The following ABT1 variants were observed in gnomAD, a reference collection of about 807,000 sequenced individuals.
The protein encoded by ABT1 is activator of basal transcription 1, also known as TATA-binding protein-binding protein.
Under a neutral mutation model 14.0 loss-of-function variants are expected in ABT1, and 13 were observed. The observed-to-expected ratio is 0.93, with a 90% CI of 0.61 to 1.48. The LOEUF (loss-of-function observed/expected upper bound fraction) is 1.48. Among genes scored for constraint, ABT1 ranks in the 40% most tolerant of loss-of-function variants. The pLI is 0.00. For missense variants in ABT1, 430 were observed against 380.0 expected, an observed-to-expected ratio of 1.13 and a Z score of -1.09; for synonymous variants, 165 against 144.6, an observed-to-expected ratio of 1.14 and a Z score of -1.01.
chr6:26,597,682 G>A (rs1764920042), intron 1 of ABT1, among the ~76,000 whole-genome samples: 1 of 152,098 alleles, frequency 6.6e-6, no homozygotes, highest in African/African-American at 2.4e-5. Context: ...CTGAGGACTT[G>A]TGCCGGTTTT....
In ABT1 at chr6:26,597,960, A is replaced by T. The variant is rs3800303; in HGVS notation, c.288A>T (p.Gly96=). Residue 96 remains glycine (G), a synonymous_variant, in exon 2 of 3, where the codon GGA becomes GGT. Transcript: ENST00000274849. ...AGAAGGCAGCAGCAGCTGCCGGAGG[A>T]AAAAAGCGGTCCTACACCAAGGACT... is the stretch of plus-strand genomic sequence containing the variant. ...RKKKAAAAAG[G]KKRSYTKDYT... 2 of 1,613,114 alleles carry T rather than the reference A, an allele frequency of 1.2e-6. No homozygotes were observed. Among genetic ancestry groups the T allele is most frequent in the South Asian group, 1.1e-5 (1 of 91,056 alleles).
At chr6:26,597,853 A>C in intron 1 of ABT1, 61 bp from the exon 2 acceptor site, 1 of 1,493,764 alleles carries the variant, frequency 6.7e-7, no homozygotes, top group Admixed American at 2.2e-5. Context: ...GGGCAGTGGG[A>C]GGTGCTTTTG....
rs782519551 is a variant in ABT1, at chr6:26,598,505, C to A, written c.679C>A (p.Arg227=). 6.2e-7 allele frequency: 1 copy of A among 1,613,978 alleles called. No homozygotes were observed. The highest frequency in any genetic ancestry group is 1.1e-5 in the South Asian group (1 of 91,088). ...GGAACTGAGGGCCCGTAAAGCAGCA[C>A]GGCCAGGGGGACGTGAACGGGCTCG... The part of the protein sequence containing the change: ...EQELRARKAA[R]PGGRERARLA... The change falls in exon 3 of 3, where the codon CGG becomes AGG. Residue 227 remains arginine, a synonymous_variant. Coordinates refer to ENST00000274849, the MANE Select transcript of ABT1 (RefSeq NM_013375.4).
Position 26,598,334 on chromosome 6 carries a change from C to G in ABT1, c.508C>G (p.Arg170Gly). The change falls in exon 3 of 3, where the codon CGC becomes GGC. Residue 170 changes from arginine to glycine, a missense_variant. By Grantham distance (125) the Arg-to-Gly change is moderately radical. Coordinates refer to ENST00000274849, the MANE Select transcript of ABT1 (RefSeq NM_013375.4). ...CTTTGAGCGCCAGGTGCGCAGGCAG[C>G]GCTTGAGAGCGGAGGTTGCTCAAGC... ...LAFERQVRRQ[R>G]LRAEVAQAKR... 1 of 1,614,262 alleles carries G rather than the reference C, an allele frequency of 6.2e-7. No homozygotes were observed. The highest frequency in any genetic ancestry group is 8.5e-7 in the Non-Finnish European group (1 of 1,180,046).
In ABT1 at chr6:26,598,187, C is replaced by G. The variant is rs1216511579; in HGVS notation, c.438+77C>G. On this transcript the variant is annotated intron_variant, in intron 2 of 2. Transcript: ENST00000274849. ...TCTGGCCCAAGTATCCCCATGGCCT[C>G]TCATTGGCCTTGTCCCCTTGTCTCA... The G allele has an allele frequency of 1.0e-5, 16 of 1,573,796 alleles. No homozygotes were observed. In the East Asian group the frequency reaches 3.2e-4, roughly 31 times the overall value.
Position 26,598,642 on chromosome 6 carries a change from C to G in ABT1, c.816C>G (p.Ser272=), listed in dbSNP as rs1764938325. The change falls in exon 3 of 3, where the codon TCC becomes TCG. Residue 272 remains serine (S), a synonymous_variant. Coordinates refer to ENST00000274849, the MANE Select transcript of ABT1 (RefSeq NM_013375.4). Reference sequence around the variant, plus strand: ...AGGGACCTTCCCTTGTCAGGGACTCCTGAGGGCCTGGGTGGCCCCTTCCAT... The same window carrying G: ...AGGGACCTTCCCTTGTCAGGGACTCGTGAGGGCCTGGGTGGCCCCTTCCAT... ...SMEGPSLVRD[S] is the part of the protein sequence containing the mutation. 6.4e-7 allele frequency: 1 copy of G among 1,550,988 alleles called. No individual in the cohort carries two copies. Among genetic ancestry groups the G allele is most frequent in the Non-Finnish European group, 8.7e-7 (1 of 1,145,788 alleles).
chr6:26,598,483 A>G lies in ABT1; in HGVS notation c.657A>G (p.Glu219=). ...WTFAQRPTEQ[E]LRARKAARPG... is the part of the protein sequence containing the mutation. ...TTGCCCAGCGTCCTACTGAGCAGGA[A>G]CTGAGGGCCCGTAAAGCAGCACGGC... Residue 219 remains glutamate (E), a synonymous_variant, in exon 3 of 3, where the codon GAA becomes GAG. Transcript: ENST00000274849. The G allele has an allele frequency of 1.9e-6, 3 of 1,614,106 alleles. No homozygotes were observed. The highest frequency in any genetic ancestry group is 2.5e-6 in the Non-Finnish European group (3 of 1,179,976).
chr6:26,596,966 C>G lies in ABT1; in HGVS notation c.-17C>G, dbSNP rs755965085. 7 of 1,603,870 alleles carry G rather than the reference C, an allele frequency of 4.4e-6. No homozygotes were observed. Among genetic ancestry groups the G allele is most frequent in the Admixed American group, 3.4e-5 (2 of 58,020 alleles). ...GCAAGGCACTTTACGGCCGTCGTGC[C>G]GCTCGTGTCAGTCAACATGGAGGCA... is the stretch of plus-strand genomic sequence containing the variant. On this transcript the variant is annotated 5_prime_UTR_variant, in exon 1 of 3. Transcript: ENST00000274849.
rs544759930 is a variant in ABT1 at position 26,600,090 on chromosome 6, C to T, written c.*1445C>T. 6.6e-6 allele frequency: 1 copy of T among 152,224 alleles called. No individual in the cohort carries two copies. Among genetic ancestry groups the T allele is most frequent in the African/African-American group, 2.4e-5 (1 of 41,458 alleles). 9.4% of individuals were successfully genotyped at this position (152,224 alleles called of 1,614,324 possible). A position where few individuals can be genotyped will look rare whatever the true frequency, so the allele number is the denominator to read the frequency against. On this transcript the variant is annotated 3_prime_UTR_variant, in exon 3 of 3. Transcript: ENST00000274849. ...TCTCACAACCCACATACCTCTTATA[C>T]TTGGCACACAAACTACGTTTCCATT...
At chr6:26,597,776 A>G (rs4634439) in intron 1 of ABT1, 138 bp from the exon 2 acceptor site, 87,134 of 773,622 alleles carry the variant, frequency 0.11, 5,532 homozygotes, top group South Asian at 0.15. Context: ...TGCGATTTAC[A>G]GTTCCCTTCC....
chr6:26,598,181 T>C, intron 2 of ABT1, 71 bp downstream of exon 2: 1 of 1,575,198 alleles, frequency 6.3e-7, no homozygotes, highest in Non-Finnish European at 8.7e-7. Context: ...AGTATCCCCA[T>C]GGCCTCTCAT....
At position 26,598,319 on chromosome 6, in the gene ABT1, C is replaced by T. The variant is rs782582907; in HGVS notation, c.493C>T (p.Gln165Ter). Residue 165 changes from glutamine to a stop codon, truncating the protein, a stop_gained, in exon 3 of 3, where the codon CAG becomes TAG. Coordinates refer to ENST00000274849, the MANE Select transcript of ABT1 (RefSeq NM_013375.4). LOFTEE classifies it low-confidence loss of function (END_TRUNC). ...HLSEHLAFER[Q>*]VRRQRLRAEV... ...CAGCGAGCACCTCGCCTTTGAGCGC[C>T]AGGTGCGCAGGCAGCGCTTGAGAGC... 6.2e-7 allele frequency: 1 copy of T among 1,614,256 alleles called. No homozygotes were observed. Among genetic ancestry groups the T allele is most frequent in the Non-Finnish European group, 8.5e-7 (1 of 1,180,024 alleles).
At chr6:26,597,831 G>A (rs953496079) in intron 1 of ABT1, 83 bp from the exon 2 acceptor site, 2 of 1,408,046 alleles carry the variant, frequency 1.4e-6, no homozygotes, top group Non-Finnish European at 1.9e-6. Context: ...TGGCAGATGT[G>A]AAGAACGTTG....
intron 1 of ABT1, 81 bp downstream of exon 1, chr6:26,597,304 G>A: frequency 1.3e-6 from 2 of 1,555,098 alleles, no homozygotes; most frequent in Non-Finnish European, 1.7e-6. Flanking sequence ...CTGTTGCTTC[G>A]CTGCGCGAGG....
chr6:26,597,045 G>A lies in ABT1; in HGVS notation c.63G>A (p.Gln21=). The change falls in exon 1 of 3, where the codon CAG becomes CAA. Residue 21 remains glutamine, a synonymous_variant. Transcript: ENST00000274849. The part of the protein sequence containing the change: ...TEQEPLEGTE[Q]TLDAEEEQEE... ...AAGAGCCGCTGGAAGGGACAGAACA[G>A]ACACTAGATGCGGAGGAGGAGCAGG... 1 of 1,613,898 alleles carries A rather than the reference G, an allele frequency of 6.2e-7. No homozygotes were observed. Among genetic ancestry groups the A allele is most frequent in the Non-Finnish European group, 8.5e-7 (1 of 1,180,004 alleles).
Position 26,597,147 on chromosome 6 carries a change from G to T in ABT1, c.165G>T (p.Pro55=), listed in dbSNP as rs1764912215. 1 of 1,614,206 alleles carries T rather than the reference G, an allele frequency of 6.2e-7. No homozygotes were observed. The highest frequency in any genetic ancestry group is 8.5e-7 in the Non-Finnish European group (1 of 1,180,026). ...TTGTGTACCTGGGCCATATCCCGCC[G>T]CGCTTCCGGCCCCTGCACGTCCGCA... is the stretch of plus-strand genomic sequence containing the variant. The part of the protein sequence containing the change: ...PGIVYLGHIP[P]RFRPLHVRNL... The change falls in exon 1 of 3, where the codon CCG becomes CCT. Residue 55 remains proline, a synonymous_variant. Transcript: ENST00000274849.
In ABT1 at chr6:26,598,109, A is replaced by G. The variant is rs1176403323; in HGVS notation, c.437A>G (p.Lys146Arg). The G allele has an allele frequency of 1.9e-6, 3 of 1,605,634 alleles. No individual in the cohort carries two copies. The highest frequency in any genetic ancestry group is 1.7e-6 in the Non-Finnish European group (2 of 1,173,558). ...TTCCGTTATGATCTTTGGAACCTCAAGGTGAGAAGATAGATCTTTCTGCCA... is the reference window on the plus strand; with the variant it reads ...TTCCGTTATGATCTTTGGAACCTCAGGGTGAGAAGATAGATCTTTCTGCCA... The part of the protein sequence containing the change: ...SPFRYDLWNL[K>R]YLHRFTWSHL... Residue 146 changes from lysine (K) to arginine (R), a missense_variant and splice_region_variant, in exon 2 of 3, where the codon AAG becomes AGG. Coordinates refer to ENST00000274849, the MANE Select transcript of ABT1 (RefSeq NM_013375.4).
In ABT1 at chr6:26,598,654, G is replaced by T; in HGVS notation, c.*9G>T. The stretch of plus-strand genomic sequence containing the variant: ...TTGTCAGGGACTCCTGAGGGCCTGG[G>T]TGGCCCCTTCCATTTCCTGGCCCTG... On this transcript the variant is annotated 3_prime_UTR_variant, in exon 3 of 3. Transcript: ENST00000274849. 1 of 1,529,780 alleles carries T rather than the reference G, an allele frequency of 6.5e-7. No homozygotes were observed. 94.8% of individuals were successfully genotyped at this position (1,529,780 alleles called of 1,614,324 possible). A position where few individuals can be genotyped will look rare whatever the true frequency, so the allele number is the denominator to read the frequency against.
chr6:26,597,037 A>T lies in ABT1; in HGVS notation c.55A>T (p.Thr19Ser), dbSNP rs1554144536. 6.2e-7 allele frequency: 1 copy of T among 1,613,754 alleles called. No homozygotes were observed. The highest frequency in any genetic ancestry group is 8.5e-7 in the Non-Finnish European group (1 of 1,179,988). ...AATEQEPLEG[T>S]EQTLDAEEEQ... ...AACGGAGCAAGAGCCGCTGGAAGGG[A>T]CAGAACAGACACTAGATGCGGAGGA... Residue 19 changes from threonine to serine, a missense_variant, in exon 1 of 3, where the codon ACA becomes TCA. Coordinates refer to ENST00000274849, the MANE Select transcript of ABT1 (RefSeq NM_013375.4).
Sources: allele counts gnomAD v4.1 joint callset (sites outside exome capture counted in the v4.1 genomes callset), GRCh38; gene constraint gnomAD v4.1.1; transcripts MANE v1.5; gene names NCBI Gene and HGNC (gene_info 2026-07-23, HGNC 2026-07-21).